The following CTNNA1 variants were observed in gnomAD, a reference collection of about 807,000 sequenced individuals.
CTNNA1 encodes catenin alpha-1.
In CTNNA1, 37 loss-of-function variants were observed where a neutral mutation model predicts 98.4. The ratio of observed to expected loss-of-function variants is 0.38; its 90% confidence interval spans 0.29 to 0.49. CTNNA1 has a LOEUF of 0.49. Ranked by LOEUF, CTNNA1 falls within the 20% of genes least tolerant of loss-of-function variation. The probability of loss-of-function intolerance (pLI) is 0.95; values close to 1 mark genes in which losing one functional copy is unlikely to be tolerated. For missense variants in CTNNA1, 761 were observed against 1,147.2 expected (o/e 0.66, Z 4.86); for synonymous variants, 404 against 413.2 (o/e 0.98, Z 0.27).
chr5:138,894,481 A>T (rs554735079), intron 9 of CTNNA1, among the ~76,000 whole-genome samples: 4 of 151,056 alleles, frequency 2.6e-5, no homozygotes, highest in Non-Finnish European at 5.9e-5. Flanking sequence ...GGGTTTTGCC[A>T]TGTTGTGCAG....
At chr5:138,859,367 A>G (rs1237004631) in intron 7 of CTNNA1, among the ~76,000 whole-genome samples, 2 of 152,100 alleles carry the variant, frequency 1.3e-5, no homozygotes. Context: ...CTCATCTCCC[A>G]TCTACACCCA....
At chr5:138,928,735 A>G (rs10080193) in intron 13 of CTNNA1, among the ~76,000 whole-genome samples, 37,111 of 152,108 alleles carry the variant, frequency 0.24, 4,949 homozygotes, top group Middle Eastern at 0.32. Context: ...GGAGTTCAAG[A>G]CCAGCCTGAC....
At chr5:138,820,269 T>G (rs1330428924) in intron 5 of CTNNA1, among the ~76,000 whole-genome samples, 1 of 151,602 alleles carries the variant, frequency 6.6e-6, no homozygotes. Context: ...GACTTAGCCT[T>G]GGGGATGAAG....
At chr5:138,903,193 T>C (rs1758461053) in intron 9 of CTNNA1, among the ~76,000 whole-genome samples, 1 of 152,202 alleles carries the variant, frequency 6.6e-6, no homozygotes, top group African/African-American at 2.4e-5. Context: ...TGTTTGGGCA[T>C]TGCAGGATTC....
chr5:138,871,541 T>A (rs933386347), intron 7 of CTNNA1: 1 of 152,262 alleles, frequency 6.6e-6, no homozygotes, highest in Non-Finnish European at 1.5e-5. Context: ...CATTGGAGGA[T>A]CTACCCCTCT....
intron 7 of CTNNA1, among the ~76,000 whole-genome samples, chr5:138,829,780 G>A (rs1172597890): frequency 1.3e-5 from 2 of 152,144 alleles, no homozygotes; most frequent in Non-Finnish European, 2.9e-5. Flanking sequence ...GGCCGGGCAC[G>A]GTGGCTCACG....
chr5:138,847,609 A>C (rs1215467546), intron 7 of CTNNA1, among the ~76,000 whole-genome samples: 1 of 152,196 alleles, frequency 6.6e-6, no homozygotes. Context: ...GATTTCAGGC[A>C]CTGTGGCAGG....
rs1370821448 is a variant in CTNNA1 at position 138,848,846 on chromosome 5, C to T, written c.1062+21128C>T. Among the ~76,000 whole-genome samples, 16 of 152,240 alleles carry T rather than the reference C, an allele frequency of 1.1e-4. 1 individual carries two copies. The highest frequency in any genetic ancestry group is 9.2e-4 in the Admixed American group (14 of 15,284). On this transcript the variant is annotated intron_variant, in intron 7 of 17. Transcript: ENST00000302763. ...TTCAAGTGATTTCCTGCCTCAGCCT[C>T]CTGAGTAGCTGGGATTACAGGTATG...
In CTNNA1 at chr5:138,779,692, G is replaced by T. The variant is rs556794868; in HGVS notation, c.-2-2231G>T. ...GTATTTAATAGAAATAAATACTTGG[G>T]CACTGATAACACTGGTTTTTTTTTG... On this transcript the variant is annotated intron_variant, in intron 1 of 17. Coordinates refer to ENST00000302763, the MANE Select transcript of CTNNA1 (RefSeq NM_001903.5). 2.7e-5 allele frequency among the ~76,000 whole-genome samples: 4 copies of T among 150,476 alleles called. No homozygotes were observed. The East Asian group carries it at 7.9e-4, about 30-fold the overall frequency.
At chr5:138,878,200 T>A (rs1752080525) in intron 7 of CTNNA1, among the ~76,000 whole-genome samples, 1 of 152,166 alleles carries the variant, frequency 6.6e-6, no homozygotes, top group Non-Finnish European at 1.5e-5. Flanking sequence ...GCACAGCCCC[T>A]TCCAGGTCAC....
At chr5:138,767,577 A>G (rs851278) in intron 1 of CTNNA1, among the ~76,000 whole-genome samples, 105,073 of 152,004 alleles carry the variant, frequency 0.69, 36,473 homozygotes, top group East Asian at 0.93. Context: ...CTATCGTATT[A>G]TAACTCTTTT....
intron 4 of CTNNA1, among the ~76,000 whole-genome samples, chr5:138,810,963 A>AGCTGGCCGGGCG (rs1758652138): frequency 3.0e-5 from 4 of 133,218 alleles, no homozygotes; most frequent in Non-Finnish European, 5.0e-5. Context: ...CTGGCCGGGC[A>AGCTGGCCGGGCG]GGGGGCTGAC....
intron 4 of CTNNA1, chr5:138,811,905 C>T (rs946319748): frequency 7.4e-5 from 22 of 296,722 alleles, no homozygotes; most frequent in Admixed American, 1.9e-4. Flanking sequence ...AGAGGGAGAC[C>T]GTGGAAAGAG....
intron 1 of CTNNA1, among the ~76,000 whole-genome samples, chr5:138,781,448 T>G (rs1755100125): frequency 6.6e-6 from 1 of 151,566 alleles, no homozygotes; most frequent in Non-Finnish European, 1.5e-5. Context: ...CACAGCCACT[T>G]GGGAGGCTGA....
chr5:138,918,177 T>G (rs1393090014), intron 11 of CTNNA1, among the ~76,000 whole-genome samples: 2 of 152,038 alleles, frequency 1.3e-5, no homozygotes, highest in South Asian at 2.1e-4. Context: ...TGGCAAAGGC[T>G]TATCCCTGCT....
At position 138,887,502 on chromosome 5, in the gene CTNNA1, G is replaced by C. The variant is rs2150032090; in HGVS notation, c.1156G>C (p.Val386Leu). ...ATTTAATCATTAGCTCCGCAAAGCT[G>C]TCATGGACCACGTTTCAGATTCTTT... ...RDLRRQLRKA[V>L]MDHVSDSFLE... The change falls in exon 9 of 18, where the codon GTC becomes CTC. Residue 386 changes from valine (V) to leucine (L), a missense_variant. By Grantham distance (32) the Val-to-Leu change is conservative. This residue lies in a region of CTNNA1 where 287 missense variants were observed against 436.0 expected (regional missense o/e 0.66). Transcript: ENST00000302763. 6.2e-7 allele frequency: 1 copy of C among 1,605,968 alleles called. No individual in the cohort carries two copies. The highest frequency in any genetic ancestry group is 8.5e-7 in the Non-Finnish European group (1 of 1,176,926).
At chr5:138,825,178 A>C (rs181725840) in intron 6 of CTNNA1, among the ~76,000 whole-genome samples, 1 of 152,174 alleles carries the variant, frequency 6.6e-6, no homozygotes, top group African/African-American at 2.4e-5. Context: ...CTCGTGGTCT[A>C]TTGGGAGATA....
chr5:138,932,764 T>C (rs766397665), intron 17 of CTNNA1, 52 bp downstream of exon 17: 14 of 1,608,308 alleles, frequency 8.7e-6, no homozygotes, highest in Non-Finnish European at 1.2e-5. Flanking sequence ...CTGACCCTTG[T>C]CAGAAATGAA....
At chr5:138,852,410 T>C (rs145741596) in intron 7 of CTNNA1, among the ~76,000 whole-genome samples, 82 of 146,854 alleles carry the variant, frequency 5.6e-4, no homozygotes, top group Non-Finnish European at 1.2e-3. Flanking sequence ...TTCTCTGTTA[T>C]ACATTATTTT....
Sources: allele counts gnomAD v4.1 joint callset (sites outside exome capture counted in the v4.1 genomes callset), GRCh38; gene constraint gnomAD v4.1.1; regional missense constraint gnomAD v4.1.1; transcripts MANE v1.5; gene names NCBI Gene and HGNC (gene_info 2026-07-23, HGNC 2026-07-21).